Variants in RNF217 observed in about 807,000 individuals in gnomAD.
RNF217 encodes ring finger protein 217.
A neutral mutation model predicts 57.8 loss-of-function variants in RNF217; 31 were observed. The ratio of observed to expected loss-of-function variants is 0.54; its 90% CI spans 0.40 to 0.72. The LOEUF (loss-of-function observed/expected upper bound fraction) is 0.72. Ranked by LOEUF, RNF217 falls within the 30% of genes least tolerant of loss-of-function variation. The probability of loss-of-function intolerance (pLI) is 0.00; values close to 1 mark genes in which losing one functional copy is unlikely to be tolerated. For missense variants in RNF217, 696 were observed against 708.3 expected (o/e 0.98, Z 0.20); for synonymous variants, 313 against 294.0 (o/e 1.06, Z -0.66).
intron 1 of RNF217, among the ~76,000 whole-genome samples, chr6:125,032,975 C>T (rs1315229689): frequency 6.6e-6 from 1 of 152,128 alleles, no homozygotes; most frequent in African/African-American, 2.4e-5. Flanking sequence ...TTCCAAATTA[C>T]ACGTGAGTGT....
chr6:125,053,644 C>T (rs572110), intron 2 of RNF217, among the ~76,000 whole-genome samples: 4,621 of 151,996 alleles, frequency 0.03, 231 homozygotes, highest in African/African-American at 0.1. Flanking sequence ...TTTCCTTACT[C>T]GACTTGATGA....
intron 1 of RNF217, chr6:125,009,337 A>T: frequency 1.6e-6 from 2 of 1,221,604 alleles, no homozygotes; most frequent in South Asian, 2.5e-5. Flanking sequence ...AGCCCTTGTA[A>T]TCTCTTCAAA....
At chr6:124,971,847 A>G (rs1783774901) in intron 1 of RNF217, among the ~76,000 whole-genome samples, 1 of 152,148 alleles carries the variant, frequency 6.6e-6, no homozygotes, top group Non-Finnish European at 1.5e-5. Flanking sequence ...GTATTTTACC[A>G]TCTCTTAATG....
At chr6:125,010,008 T>C (rs995175226) in intron 1 of RNF217, among the ~76,000 whole-genome samples, 4 of 149,512 alleles carry the variant, frequency 2.7e-5, no homozygotes, top group Non-Finnish European at 5.9e-5. Context: ...TTTTACTAAA[T>C]CTGAGGGTCA....
chr6:125,087,812 TATTAA>T lies in RNF217; in HGVS notation c.*4881_*4885del, dbSNP rs1394489461. ...ACCTAATTGGAATGTTTGTTTAAAATATTAAATTAATTTATACTGAAAGTTTTAAC... is the reference window on the plus strand; with the variant it reads ...ACCTAATTGGAATGTTTGTTTAAAATATTAATTTATACTGAAAGTTTTAAC... On this transcript the variant is annotated 3_prime_UTR_variant, in exon 6 of 6. Coordinates refer to ENST00000521654, the MANE Select transcript of RNF217 (RefSeq NM_001286398.3). The T allele has an allele frequency of 1.3e-5, 2 of 152,074 alleles. No individual in the cohort carries two copies. The highest frequency in any genetic ancestry group is 2.4e-5 in the African/African-American group (1 of 41,432). 9.4% of individuals were successfully genotyped at this position (152,074 alleles called of 1,614,324 possible). A position where few individuals can be genotyped will look rare whatever the true frequency, so the allele number is the denominator to read the frequency against.
At chr6:125,033,322 C>T (rs1786444315) in intron 1 of RNF217, among the ~76,000 whole-genome samples, 1 of 141,222 alleles carries the variant, frequency 7.1e-6, no homozygotes, top group South Asian at 2.4e-4. Context: ...TTAGGTATAT[C>T]TCCTAATGCT....
intron 4 of RNF217, 109 bp downstream of exon 4, chr6:125,076,967 G>A: frequency 1.1e-6 from 1 of 910,188 alleles, no homozygotes; most frequent in Non-Finnish European, 1.7e-6. Context: ...TGTGCCCAGT[G>A]TTCAGAGGAG....
intron 1 of RNF217, among the ~76,000 whole-genome samples, chr6:125,029,642 G>A (rs1400327436): frequency 3.9e-5 from 6 of 152,170 alleles, no homozygotes; most frequent in Non-Finnish European, 7.3e-5. Context: ...CTGTAGGGGG[G>A]AGAAGTGTAA....
intron 3 of RNF217, among the ~76,000 whole-genome samples, chr6:125,064,056 T>G (rs1787848880): frequency 1.3e-5 from 2 of 152,190 alleles, no homozygotes; most frequent in Non-Finnish European, 2.9e-5. Context: ...TTGCAGTTGC[T>G]GAAATAAGAA....
intron 1 of RNF217, among the ~76,000 whole-genome samples, chr6:125,043,688 TA>T (rs1216618272): frequency 8.5e-5 from 13 of 152,112 alleles, no homozygotes; most frequent in Admixed American, 4.6e-4. Context: ...TAATTGATTC[TA>T]AAACGTAATT....
At chr6:125,060,824 C>T (rs1787704188) in intron 3 of RNF217, among the ~76,000 whole-genome samples, 1 of 152,120 alleles carries the variant, frequency 6.6e-6, no homozygotes, top group African/African-American at 2.4e-5. Flanking sequence ...GGAAAATATT[C>T]ACCCAGAATT....
In RNF217 at chr6:125,082,793, A is replaced by C. The variant is rs74940037; in HGVS notation, c.1556-71A>C. The C allele has an allele frequency of 5.3e-3, 6,509 of 1,238,356 alleles. 255 individuals carry two copies. In the African/African-American group the frequency reaches 0.085, roughly 16 times the overall value. 76.7% of individuals were successfully genotyped at this position (1,238,356 alleles called of 1,614,324 possible). A position where few individuals can be genotyped will look rare whatever the true frequency, so the allele number is the denominator to read the frequency against. ...GTTCGTACACTGCAAATAAATAAAC[A>C]TAGACATTTTAAAATAGGAAAACCT... is the stretch of plus-strand genomic sequence containing the variant. On this transcript the variant is annotated intron_variant, in intron 5 of 5. Transcript: ENST00000521654.
intron 1 of RNF217, among the ~76,000 whole-genome samples, chr6:124,963,684 C>G (rs368847496): frequency 6.6e-6 from 1 of 152,200 alleles, no homozygotes; most frequent in East Asian, 1.9e-4. Flanking sequence ...TTGTTGCCCT[C>G]CTCTTATTTC....
At chr6:124,994,477 A>C (rs894907380) in intron 1 of RNF217, among the ~76,000 whole-genome samples, 2 of 152,176 alleles carry the variant, frequency 1.3e-5, no homozygotes, top group African/African-American at 2.4e-5. Context: ...CAGTTGCCTC[A>C]TGAATGGTAG....
At chr6:125,042,829 TA>T (rs1786937155) in intron 1 of RNF217, among the ~76,000 whole-genome samples, 1 of 152,024 alleles carries the variant, frequency 6.6e-6, no homozygotes, top group Non-Finnish European at 1.5e-5. Context: ...ATCATTTACA[TA>T]GTTAAAATAA....
At chr6:125,028,562 AAT>A (rs769989840) in intron 1 of RNF217, among the ~76,000 whole-genome samples, 1 of 152,144 alleles carries the variant, frequency 6.6e-6, no homozygotes, top group Non-Finnish European at 1.5e-5. Flanking sequence ...TTCCAAAAGA[AAT>A]ATGTTTCTAG....
At chr6:124,967,914 G>A (rs1383961622) in intron 1 of RNF217, among the ~76,000 whole-genome samples, 1 of 152,072 alleles carries the variant, frequency 6.6e-6, no homozygotes, top group Admixed American at 6.5e-5. Flanking sequence ...GAGTAGCTGG[G>A]ATTACAGGTG....
rs565203186 is a variant in RNF217, at chr6:125,090,306, A to G, written c.*7369A>G. ...TAGTAAATTCTGAGAGATGACAGAA[A>G]TGATTTTCTGTAGAAGGAACACAAC... On this transcript the variant is annotated 3_prime_UTR_variant, in exon 6 of 6. Coordinates refer to ENST00000521654, the MANE Select transcript of RNF217 (RefSeq NM_001286398.3). 6.6e-6 allele frequency: 1 copy of G among 152,186 alleles called. No homozygotes were observed. Among genetic ancestry groups the G allele is most frequent in the South Asian group, 2.1e-4 (1 of 4,828 alleles). 9.4% of individuals were successfully genotyped at this position (152,186 alleles called of 1,614,324 possible). A position where few individuals can be genotyped will look rare whatever the true frequency, so the allele number is the denominator to read the frequency against.
intron 1 of RNF217, among the ~76,000 whole-genome samples, chr6:124,977,417 C>T (rs1476607525): frequency 6.6e-6 from 1 of 151,042 alleles, no homozygotes; most frequent in Non-Finnish European, 1.5e-5. Context: ...AGCTTAGGAT[C>T]ACTAAATGCT....
Sources: allele counts gnomAD v4.1 joint callset (sites outside exome capture counted in the v4.1 genomes callset), GRCh38; gene constraint gnomAD v4.1.1; transcripts MANE v1.5; gene names NCBI Gene and HGNC (gene_info 2026-07-23, HGNC 2026-07-21).